The following DGLUCY variants were observed in gnomAD, a reference collection of about 807,000 sequenced individuals.
DGLUCY encodes D-glutamate cyclase.
DGLUCY carries 58 observed loss-of-function variants against 58.5 expected under a neutral mutation model. The ratio of observed to expected loss-of-function variants is 0.99; its 90% confidence interval spans 0.80 to 1.23. The LOEUF (loss-of-function observed/expected upper bound fraction) is 1.23, where lower values mean the gene tolerates loss of function less well. Among genes scored for constraint, DGLUCY ranks in the 50% most tolerant of loss-of-function variants. The probability of loss-of-function intolerance (pLI) is 0.00; values close to 1 mark genes in which losing one functional copy is unlikely to be tolerated. For missense variants in DGLUCY, 779 were observed against 784.7 expected (o/e 0.99, Z 0.09); for synonymous variants, 325 against 314.1 (o/e 1.03, Z -0.37).
chr14:91,156,265 CACCACACCTGGCT>C (rs2140323581), intron 1 of DGLUCY, among the ~76,000 whole-genome samples: 1 of 152,178 alleles, frequency 6.6e-6, no homozygotes, highest in South Asian at 2.1e-4. Context: ...AGGCATGCAC[CACCACACCTGGCT>C]AATTTTTGTA....
chr14:91,089,162 G>T (rs991214931), intron 1 of DGLUCY, among the ~76,000 whole-genome samples: 2 of 152,178 alleles, frequency 1.3e-5, no homozygotes, highest in African/African-American at 4.8e-5. Context: ...TTGCCCTCCT[G>T]CCCACCATGG....
At chr14:91,088,475 A>G (rs2044257270) in intron 1 of DGLUCY, among the ~76,000 whole-genome samples, 2 of 152,316 alleles carry the variant, frequency 1.3e-5, no homozygotes, top group South Asian at 4.1e-4. Context: ...TTAGAGATAA[A>G]AAAATCAGAG....
At chr14:91,086,093 G>A (rs950539613) in intron 1 of DGLUCY, among the ~76,000 whole-genome samples, 21 of 152,168 alleles carry the variant, frequency 1.4e-4, no homozygotes, top group Admixed American at 1.2e-3. Context: ...GCGCATGTGA[G>A]GGATCTAGGT....
intron 2 of DGLUCY, among the ~76,000 whole-genome samples, 196 bp from the exon 3 acceptor site, chr14:91,160,070 G>A (rs562705841): frequency 2.9e-4 from 44 of 152,258 alleles, no homozygotes; most frequent in South Asian, 2.7e-3. Flanking sequence ...GGAAGTTTGC[G>A]TTAGGAATTT....
chr14:91,167,122 A>G, intron 3 of DGLUCY, 103 bp from the exon 4 acceptor site: 1 of 1,401,490 alleles, frequency 7.1e-7, no homozygotes, highest in Non-Finnish European at 9.5e-7. Context: ...ATGGGCTACA[A>G]GAGCGAAACT....
chr14:91,104,245 G>A (rs1432295435), upstream of DGLUCY, among the ~76,000 whole-genome samples: 5 of 151,318 alleles, frequency 3.3e-5, no homozygotes, highest in Non-Finnish European at 5.9e-5. Flanking sequence ...TGTATTTTTA[G>A]TAGAGACGGG....
At chr14:91,155,603 A>G (rs1245497584) in intron 1 of DGLUCY, among the ~76,000 whole-genome samples, 1 of 152,098 alleles carries the variant, frequency 6.6e-6, no homozygotes, top group Non-Finnish European at 1.5e-5. Context: ...TGAGCCCAGG[A>G]GTTTAAGACC....
chr14:91,153,310 G>A (rs553342662), intron 1 of DGLUCY, among the ~76,000 whole-genome samples: 1 of 152,240 alleles, frequency 6.6e-6, no homozygotes, highest in South Asian at 2.1e-4. Flanking sequence ...AGCCTCCCCA[G>A]TAACTGGGAT....
At chr14:91,086,741 G>A (rs866177867) in intron 1 of DGLUCY, among the ~76,000 whole-genome samples, 5 of 152,168 alleles carry the variant, frequency 3.3e-5, no homozygotes, top group Middle Eastern at 6.8e-3. Context: ...CACTTTTTAT[G>A]TTTTATTTTT....
intron 1 of DGLUCY, among the ~76,000 whole-genome samples, chr14:91,145,616 A>T (rs543760334): frequency 2.0e-5 from 3 of 152,174 alleles, no homozygotes; most frequent in African/African-American, 7.2e-5. Flanking sequence ...CCTTGTCCCA[A>T]CTGTCACCAC....
intron 1 of DGLUCY, among the ~76,000 whole-genome samples, chr14:91,070,156 A>G (rs1265154722): frequency 6.6e-6 from 1 of 152,194 alleles, no homozygotes; most frequent in African/African-American, 2.4e-5. Context: ...GTATGATAGT[A>G]GGGAGGGTCA....
At chr14:91,159,765 C>G (rs1005527096) in intron 2 of DGLUCY, among the ~76,000 whole-genome samples, 2 of 152,126 alleles carry the variant, frequency 1.3e-5, no homozygotes, top group African/African-American at 4.8e-5. Context: ...ATTTCACTTG[C>G]GATTGCGGTG....
At chr14:91,161,762 G>A (rs1185066063) in intron 3 of DGLUCY, among the ~76,000 whole-genome samples, 1 of 151,840 alleles carries the variant, frequency 6.6e-6, no homozygotes, top group Non-Finnish European at 1.5e-5. Context: ...TGAATACTGG[G>A]GAGCATAGTT....
intron 1 of DGLUCY, among the ~76,000 whole-genome samples, chr14:91,134,315 T>C (rs2046201561): frequency 6.6e-6 from 1 of 152,252 alleles, no homozygotes; most frequent in South Asian, 2.1e-4. Context: ...AGTTCTTCTT[T>C]AATGTCTTTA....
intron 6 of DGLUCY, among the ~76,000 whole-genome samples, chr14:91,175,206 T>C (rs978837056): frequency 1.8e-4 from 28 of 152,052 alleles, no homozygotes; most frequent in African/African-American, 5.8e-4. Context: ...CTGAAATCCA[T>C]TGATCCCCAG....
At chr14:91,141,382 AAAG>A (rs2046661047) in intron 1 of DGLUCY, among the ~76,000 whole-genome samples, 1 of 151,962 alleles carries the variant, frequency 6.6e-6, no homozygotes, top group Non-Finnish European at 1.5e-5. Context: ...AAAAAAAAAA[AAAG>A]AAAAGGAAAA....
chr14:91,183,342 G>A (rs886868688), intron 8 of DGLUCY, among the ~76,000 whole-genome samples: 1 of 152,150 alleles, frequency 6.6e-6, no homozygotes, highest in Non-Finnish European at 1.5e-5. Context: ...TGGTTGAGGG[G>A]CTTTTAACTT....
At chr14:91,170,283 C>T (rs1032493340) in intron 5 of DGLUCY, 82 bp downstream of exon 5, 10 of 1,447,394 alleles carry the variant, frequency 6.9e-6, no homozygotes, top group Non-Finnish European at 8.4e-6. Context: ...GTGGGGAGAA[C>T]ATGGGCACGG....
At chr14:91,150,359 ACT>A (rs997860566) in intron 1 of DGLUCY, among the ~76,000 whole-genome samples, 16 of 152,122 alleles carry the variant, frequency 1.1e-4, no homozygotes, top group African/African-American at 3.9e-4. Context: ...CAAGACACAC[ACT>A]GAGTCTGGTG....
Sources: allele counts gnomAD v4.1 joint callset (sites outside exome capture counted in the v4.1 genomes callset), GRCh38; gene constraint gnomAD v4.1.1; transcripts MANE v1.5; gene names NCBI Gene and HGNC (gene_info 2026-07-23, HGNC 2026-07-21).